PCDHA11: variants seen among roughly 807,000 people sequenced by gnomAD.
PCDHA11 encodes the protein protocadherin alpha-11.
PCDHA11 carries 61 observed loss-of-function variants against 70.3 expected under a neutral mutation model. The observed-to-expected ratio is 0.87, with a 90% CI of 0.71 to 1.07. The LOEUF (loss-of-function observed/expected upper bound fraction) is 1.07, where lower values mean the gene tolerates loss of function less well. Among genes scored for constraint, PCDHA11 ranks in the 50% least tolerant of loss-of-function variants. The pLI, the probability that PCDHA11 is intolerant of heterozygous loss-of-function variation, is 0.00. For missense variants in PCDHA11, 1,324 were observed against 1,237.5 expected (o/e 1.07, Z -1.05); for synonymous variants, 633 against 555.1 (o/e 1.14, Z -1.97).
chr5:140,894,649 T>C (rs1270978331), intron 1 of PCDHA11, among the ~76,000 whole-genome samples: 3 of 152,024 alleles, frequency 2.0e-5, no homozygotes, highest in African/African-American at 7.2e-5. Context: ...ACTGAGTCTC[T>C]CTAATTCTGA....
chr5:140,870,325 C>G lies in PCDHA11; in HGVS notation c.1222C>G (p.Leu408Val). The change falls in exon 1 of 4, where the codon CTG becomes GTG. Residue 408 changes from leucine (L) to valine (V), a missense_variant. Coordinates refer to ENST00000398640, the MANE Select transcript of PCDHA11 (RefSeq NM_018902.5). ...STFKNYYSLV[L>V]DSALDRENVW... is the part of the protein sequence containing the mutation. ...CTTCAAGAATTACTACTCGTTGGTG[C>G]TGGACAGCGCCCTGGACCGCGAGAA... 1 of 1,614,198 alleles carries G rather than the reference C, an allele frequency of 6.2e-7. No individual in the cohort carries two copies.
At chr5:140,954,014 A>T (rs782347890) in intron 1 of PCDHA11, among the ~76,000 whole-genome samples, 1 of 152,038 alleles carries the variant, frequency 6.6e-6, no homozygotes, top group Non-Finnish European at 1.5e-5. Context: ...CAGCTCCCAC[A>T]CATAGTGGGA....
intron 1 of PCDHA11, among the ~76,000 whole-genome samples, chr5:140,918,519 G>A (rs2078736782): frequency 6.6e-6 from 1 of 152,068 alleles, no homozygotes. Flanking sequence ...AACTTATTGA[G>A]GATTGTTTTA....
At chr5:140,925,671 A>AATAATAATG (rs1445697337) in intron 1 of PCDHA11, among the ~76,000 whole-genome samples, 20 of 148,150 alleles carry the variant, frequency 1.3e-4, no homozygotes, top group African/African-American at 5.0e-4. Context: ...TAATAATAAT[A>AATAATAATG]ATAATAAAGC....
chr5:140,969,305 A>C (rs1481597194), intron 1 of PCDHA11: 1 of 1,614,206 alleles, frequency 6.2e-7, no homozygotes, highest in East Asian at 2.2e-5. Flanking sequence ...GATTATTCTC[A>C]AAAATGAGGC....
At chr5:140,966,914 G>A in intron 1 of PCDHA11, 1 of 1,602,270 alleles carries the variant, frequency 6.2e-7, no homozygotes, top group Non-Finnish European at 8.5e-7. Context: ...CTCTGTGCCA[G>A]AGGAGCAGGC....
chr5:141,000,618 G>A (rs1354281260), intron 3 of PCDHA11, among the ~76,000 whole-genome samples: 1 of 150,858 alleles, frequency 6.6e-6, no homozygotes, highest in Non-Finnish European at 1.5e-5. Flanking sequence ...AGTAGAGACA[G>A]GGTTTCACCA....
intron 1 of PCDHA11, chr5:140,878,023 T>C (rs1162658024): frequency 2.6e-6 from 2 of 762,594 alleles, no homozygotes; most frequent in Non-Finnish European, 3.8e-6. Context: ...GAAGGAAATA[T>C]GTAGGTACAA....
intron 1 of PCDHA11, among the ~76,000 whole-genome samples, chr5:140,890,015 T>C (rs553399283): frequency 2.8e-4 from 43 of 152,210 alleles, no homozygotes; most frequent in African/African-American, 1.0e-3. Flanking sequence ...GCCAGAAAAA[T>C]GTAGAAGGCT....
rs376600715 is a variant in PCDHA11, at chr5:140,871,207, G to A, written c.2104G>A (p.Ala702Thr). The stretch of plus-strand genomic sequence containing the variant: ...GGATGTCAACGTGTACCTGATCATC[G>A]CCATCTGCGTGGTGTCCAGCCTCCT... The part of the protein sequence containing the change: ...LVDVNVYLII[A>T]ICVVSSLLVL... Residue 702 changes from alanine (A) to threonine (T), a missense_variant, in exon 1 of 4, where the codon GCC (alanine) becomes ACC (threonine). Transcript: ENST00000398640. 2.2e-5 allele frequency: 36 copies of A among 1,613,642 alleles called. No individual in the cohort carries two copies. The African/African-American group carries it at 4.0e-4, about 18-fold the overall frequency.
chr5:141,000,421 ATTTTTT>A (rs34755515), intron 3 of PCDHA11, among the ~76,000 whole-genome samples: 34 of 27,962 alleles, frequency 1.2e-3, no homozygotes, highest in East Asian at 9.9e-3. Context: ...ATATATATAT[ATTTTTT>A]TTTTTTTTTT....
chr5:140,900,882 A>G (rs1453854297), intron 1 of PCDHA11, among the ~76,000 whole-genome samples: 1 of 152,044 alleles, frequency 6.6e-6, no homozygotes, highest in African/African-American at 2.4e-5. Flanking sequence ...ATTGCCTGTC[A>G]TTTGGATAAA....
intron 1 of PCDHA11, among the ~76,000 whole-genome samples, chr5:140,953,076 T>C (rs1276914822): frequency 6.6e-6 from 1 of 152,106 alleles, no homozygotes; most frequent in East Asian, 1.9e-4. Flanking sequence ...ATCTCCAACA[T>C]TGGGGATTAC....
chr5:140,918,429 G>A (rs2078693094), intron 1 of PCDHA11, among the ~76,000 whole-genome samples: 1 of 152,164 alleles, frequency 6.6e-6, no homozygotes, highest in Non-Finnish European at 1.5e-5. Flanking sequence ...GTAGGATGTT[G>A]AATAGGAGTG....
chr5:140,872,471 T>TA (rs1468696649), intron 1 of PCDHA11, among the ~76,000 whole-genome samples: 3 of 152,026 alleles, frequency 2.0e-5, no homozygotes, highest in Non-Finnish European at 4.4e-5. Context: ...TATAAAAAAT[T>TA]AAAAAATTAG....
At chr5:141,007,015 A>G (rs1342063703) in intron 3 of PCDHA11, among the ~76,000 whole-genome samples, 1 of 152,210 alleles carries the variant, frequency 6.6e-6, no homozygotes, top group Non-Finnish European at 1.5e-5. Flanking sequence ...TCATCAGCTT[A>G]TTCATATGGT....
At chr5:140,940,110 T>C (rs2092554073) in intron 1 of PCDHA11, among the ~76,000 whole-genome samples, 1 of 152,240 alleles carries the variant, frequency 6.6e-6, no homozygotes, top group Admixed American at 6.5e-5. Context: ...CGTTATGTAT[T>C]ATTTACCTCT....
At chr5:141,005,529 C>A (rs1387576846) in intron 3 of PCDHA11, among the ~76,000 whole-genome samples, 2 of 151,154 alleles carry the variant, frequency 1.3e-5, no homozygotes, top group Non-Finnish European at 2.9e-5. Context: ...CGGTGAAACC[C>A]CGTCTCTACT....
At chr5:140,876,773 C>A (rs782103064) in intron 1 of PCDHA11, 2 of 1,614,226 alleles carry the variant, frequency 1.2e-6, no homozygotes, top group South Asian at 2.2e-5. Context: ...GGCTCGCCTT[C>A]GCTGTGGGCC....
Sources: gnomAD v4.1 joint callset for allele counts (sites outside exome capture counted in the v4.1 genomes callset) on GRCh38, gnomAD v4.1.1 for gene constraint, MANE v1.5 for transcripts, NCBI Gene and HGNC (gene_info 2026-07-23, HGNC 2026-07-21) for gene names.